MEIKIN: variants seen among roughly 807,000 people sequenced by gnomAD.
The protein encoded by MEIKIN is meiotic kinetochore factor.
At chr5:131,870,760 T>C (rs929629878) in intron 9 of MEIKIN, among the ~76,000 whole-genome samples, 1 of 152,210 alleles carries the variant, frequency 6.6e-6, no homozygotes, top group African/African-American at 2.4e-5. Context: ...TGCCTATTTC[T>C]TGATCTCTCC....
chr5:131,828,196 G>A (rs540928148), intron 11 of MEIKIN, among the ~76,000 whole-genome samples: 64 of 152,056 alleles, frequency 4.2e-4, no homozygotes, highest in African/African-American at 1.5e-3. Context: ...CTGTCGCCCA[G>A]GCTGGAATGC....
intron 8 of MEIKIN, among the ~76,000 whole-genome samples, chr5:131,895,550 T>C (rs1751024722): frequency 3.9e-5 from 6 of 152,180 alleles, no homozygotes; most frequent in Admixed American, 3.9e-4. Context: ...ATATTAATAA[T>C]TGCCTCAATT....
intron 8 of MEIKIN, among the ~76,000 whole-genome samples, chr5:131,899,555 A>AC (rs1451956038): frequency 6.6e-6 from 1 of 151,788 alleles, no homozygotes; most frequent in Non-Finnish European, 1.5e-5. Flanking sequence ...AAAAAAAAAA[A>AC]AAAAAACAAG....
intron 4 of MEIKIN, among the ~76,000 whole-genome samples, chr5:131,935,861 T>C (rs976167056): frequency 6.6e-6 from 1 of 151,068 alleles, no homozygotes; most frequent in Non-Finnish European, 1.5e-5. Flanking sequence ...TGACTCAATC[T>C]ACCATCCTTC....
chr5:131,838,434 G>T (rs1164253083), intron 11 of MEIKIN, among the ~76,000 whole-genome samples: 1 of 152,020 alleles, frequency 6.6e-6, no homozygotes, highest in Non-Finnish European at 1.5e-5. Flanking sequence ...AATGGTATTA[G>T]ATCTTCTTTA....
intron 8 of MEIKIN, among the ~76,000 whole-genome samples, chr5:131,899,032 G>A (rs939486269): frequency 2.0e-5 from 3 of 151,830 alleles, no homozygotes; most frequent in East Asian, 1.9e-4. Context: ...GCTGCAGACC[G>A]GGGCTGTTCC....
At chr5:131,829,728 A>C (rs1299191422) in intron 11 of MEIKIN, among the ~76,000 whole-genome samples, 1 of 152,212 alleles carries the variant, frequency 6.6e-6, no homozygotes, top group African/African-American at 2.4e-5. Context: ...AGACTTAATC[A>C]AGTTAAGATC....
chr5:131,898,378 G>C (rs1580897249), intron 8 of MEIKIN, among the ~76,000 whole-genome samples: 1 of 152,354 alleles, frequency 6.6e-6, no homozygotes, highest in African/African-American at 2.4e-5. Flanking sequence ...CTACACGGGG[G>C]TCAGGGACCC....
At chr5:131,934,814 T>C (rs1166903356) in intron 4 of MEIKIN, among the ~76,000 whole-genome samples, 2 of 152,112 alleles carry the variant, frequency 1.3e-5, no homozygotes, top group African/African-American at 4.8e-5. Context: ...TCCCAGCACT[T>C]TGGGAGACCG....
At position 131,898,265 on chromosome 5, in the gene MEIKIN, A is replaced by G. The variant is rs182195473; in HGVS notation, c.703+13550T>C. Among the ~76,000 whole-genome samples the G allele has an allele frequency of 7.6e-4, 116 of 152,290 alleles. 1 individual carries two copies. The highest frequency in any genetic ancestry group is 3.4e-3 in the Middle Eastern group (1 of 294). On this transcript the variant is annotated intron_variant, in intron 8 of 12. Coordinates refer to ENST00000442687, the MANE Select transcript of MEIKIN (RefSeq NM_001303622.2). ...AAAACAGCAAATATTGCAGAACAACAAATATTGCTGCCTGATCCTTCCTCT... is the reference window on the plus strand; with the variant it reads ...AAAACAGCAAATATTGCAGAACAACGAATATTGCTGCCTGATCCTTCCTCT...
Position 131,926,191 on chromosome 5 carries a change from T to G in MEIKIN, c.479-4250A>C, listed in dbSNP as rs62384094. ...AGCTATGGGCTTCTCATATACAGTC[T>G]TTATTATGTTGAGGTAATTGCCTTC... On this transcript the variant is annotated intron_variant, in intron 5 of 12. Transcript: ENST00000442687. 3.3e-3 allele frequency among the ~76,000 whole-genome samples: 499 copies of G among 152,294 alleles called. 1 individual carries two copies. The highest frequency in any genetic ancestry group is 5.3e-3 in the Non-Finnish European group (361 of 68,018).
At chr5:131,807,770 A>G (rs1280333569) in intron 12 of MEIKIN, among the ~76,000 whole-genome samples, 1 of 152,246 alleles carries the variant, frequency 6.6e-6, no homozygotes, top group African/African-American at 2.4e-5. Context: ...TCCAGAGTGG[A>G]ACCAGCTTTA....
At chr5:131,839,885 G>A (rs115028255) in intron 11 of MEIKIN, among the ~76,000 whole-genome samples, 2,690 of 152,208 alleles carry the variant, frequency 0.018, 53 homozygotes, top group African/African-American at 0.046. Flanking sequence ...ATTTGATCCT[G>A]TCATCATGAT....
At chr5:131,857,202 T>C (rs933536008) in intron 9 of MEIKIN, among the ~76,000 whole-genome samples, 4 of 152,248 alleles carry the variant, frequency 2.6e-5, no homozygotes, top group East Asian at 1.9e-4. Context: ...AGAAATACAT[T>C]TTATAGTGCT....
At chr5:131,838,946 G>C (rs1749858005) in intron 11 of MEIKIN, among the ~76,000 whole-genome samples, 1 of 152,056 alleles carries the variant, frequency 6.6e-6, no homozygotes, top group African/African-American at 2.4e-5. Flanking sequence ...TGTGATGTTA[G>C]GTTGTTAATC....
intron 8 of MEIKIN, among the ~76,000 whole-genome samples, chr5:131,891,057 T>G (rs1750905255): frequency 6.6e-6 from 1 of 152,218 alleles, no homozygotes; most frequent in Non-Finnish European, 1.5e-5. Context: ...TGAGTTCTAG[T>G]TTGATTGCAC....
chr5:131,809,124 C>A (rs1772903755), intron 12 of MEIKIN, among the ~76,000 whole-genome samples: 1 of 152,116 alleles, frequency 6.6e-6, no homozygotes, highest in Non-Finnish European at 1.5e-5. Context: ...TATCTGACTT[C>A]CTCTATGAGA....
At chr5:131,921,772 T>C (rs536653865) in intron 6 of MEIKIN, 50 bp downstream of exon 6, 192 of 398,714 alleles carry the variant, frequency 4.8e-4, no homozygotes, top group Non-Finnish European at 8.1e-4. Flanking sequence ...GAAAAAATAC[T>C]TTGCTTTTCC....
chr5:131,889,646 G>T (rs1478414965), intron 8 of MEIKIN, among the ~76,000 whole-genome samples: 2 of 152,208 alleles, frequency 1.3e-5, no homozygotes, highest in Non-Finnish European at 2.9e-5. Flanking sequence ...ATACAATCAT[G>T]TCATCTGCAA....
Sources: gnomAD v4.1 joint callset for allele counts (sites outside exome capture counted in the v4.1 genomes callset) on GRCh38, gnomAD v4.1.1 for gene constraint, MANE v1.5 for transcripts, NCBI Gene and HGNC (gene_info 2026-07-23, HGNC 2026-07-21) for gene names.